ODAD2: variants seen among roughly 807,000 people sequenced by gnomAD.
The protein encoded by ODAD2 is outer dynein arm-docking complex subunit 2.
ODAD2 carries 89 observed loss-of-function variants against 106.8 expected under a neutral mutation model. That is an observed-to-expected ratio of 0.83 (90% CI 0.70 to 0.99). ODAD2 has a LOEUF of 0.99. ODAD2 is among the 50% of genes least tolerant of loss of function. The pLI is 0.00. For synonymous variants in ODAD2, 404 were observed against 436.2 expected, an observed-to-expected ratio of 0.93 and a Z score of 0.92; for missense variants, 1,168 against 1,238.5, an observed-to-expected ratio of 0.94 and a Z score of 0.85.
Position 27,944,906 on chromosome 10 carries a change from T to A in ODAD2, c.1443A>T (p.Leu481Phe). The A allele has an allele frequency of 6.2e-7, 1 of 1,614,212 alleles. No individual in the cohort carries two copies. The highest frequency in any genetic ancestry group is 8.5e-7 in the Non-Finnish European group (1 of 1,180,020). The change falls in exon 11 of 20, where the codon TTA becomes TTT. Residue 481 changes from leucine (L) to phenylalanine (F), a missense_variant. This residue lies in a region of ODAD2 where 701 missense variants were observed against 712.3 expected (regional missense o/e 0.98). Transcript: ENST00000305242. Reference sequence around the variant, plus strand: ...TGGCCAACTGGCAGGTTTCTTGAGCTAAGCTGAAATCCCTCATTGAACACA... The same window carrying A: ...TGGCCAACTGGCAGGTTTCTTGAGCAAAGCTGAAATCCCTCATTGAACACA... The part of the protein sequence containing the change: ...IALCSMRDFS[L>F]AQETCQLAIR...
intron 16 of ODAD2, among the ~76,000 whole-genome samples, chr10:27,925,798 C>T (rs536588689): frequency 6.6e-6 from 1 of 152,096 alleles, no homozygotes; most frequent in Admixed American, 6.6e-5. Context: ...AAAGAGGATC[C>T]CTATCTCCAC....
chr10:27,821,472 C>T (rs559158644), intron 19 of ODAD2, among the ~76,000 whole-genome samples: 9 of 152,262 alleles, frequency 5.9e-5, no homozygotes, highest in Admixed American at 3.3e-4. Context: ...TTTTCATTTT[C>T]CTACGAGCCT....
intron 19 of ODAD2, among the ~76,000 whole-genome samples, chr10:27,821,530 C>A (rs897628466): frequency 5.3e-5 from 8 of 152,156 alleles, no homozygotes; most frequent in Admixed American, 2.6e-4. Flanking sequence ...GCACTAGTTT[C>A]TTTAAAACTA....
intron 16 of ODAD2, among the ~76,000 whole-genome samples, chr10:27,911,478 G>A (rs1844010000): frequency 6.6e-6 from 1 of 152,148 alleles, no homozygotes; most frequent in Non-Finnish European, 1.5e-5. Context: ...GGAAACTACA[G>A]TCTTGTGAGG....
rs529362451 is a variant in ODAD2 at position 27,962,375 on chromosome 10, C to T, written c.1239-660G>A. Among the ~76,000 whole-genome samples, 256 of 152,328 alleles carry T rather than the reference C, an allele frequency of 1.7e-3. 2 individuals are homozygous for T. Among genetic ancestry groups the T allele is most frequent in the Non-Finnish European group, 2.9e-3 (200 of 68,032 alleles). ...TGGCCCACGTGCCTCGTGGTTACCACACTGGACAGCTCAGATATTGACTAT... is the reference window on the plus strand; with the variant it reads ...TGGCCCACGTGCCTCGTGGTTACCATACTGGACAGCTCAGATATTGACTAT... On this transcript the variant is annotated intron_variant, in intron 9 of 19. Coordinates refer to ENST00000305242, the MANE Select transcript of ODAD2 (RefSeq NM_018076.5).
At chr10:27,845,345 A>G (rs2368265) in intron 19 of ODAD2, among the ~76,000 whole-genome samples, 1,735 of 152,294 alleles carry the variant, frequency 0.011, 31 homozygotes, top group African/African-American at 0.039. Flanking sequence ...AAGGAGAAAT[A>G]AAATCCTTTA....
In ODAD2 at chr10:27,979,290, T is replaced by C. The variant is rs376860257; in HGVS notation, c.936+2176A>G. Among the ~76,000 whole-genome samples, 207 of 151,800 alleles carry C rather than the reference T, an allele frequency of 1.4e-3. 2 individuals are homozygous for C. Among genetic ancestry groups the C allele is most frequent in the African/African-American group, 4.7e-3 (196 of 41,388 alleles). On this transcript the variant is annotated intron_variant, in intron 7 of 19. Coordinates refer to ENST00000305242, the MANE Select transcript of ODAD2 (RefSeq NM_018076.5). ...CAAGGATGCCTGCTTTTACCACTCT[T>C]ATTCAACATAGTCCAGGAAGTCCTA...
chr10:27,992,206 A>T lies in ODAD2; in HGVS notation c.224+2713T>A, dbSNP rs1434605365. ...CAGGCAAGCATGGTTTCCTTCAAAT[A>T]CAACAGCAATACCTCTCTCTACCCT... On this transcript the variant is annotated intron_variant, in intron 2 of 19. Coordinates refer to ENST00000305242, the MANE Select transcript of ODAD2 (RefSeq NM_018076.5). Among the ~76,000 whole-genome samples the T allele has an allele frequency of 3.3e-5, 5 of 152,330 alleles. No homozygotes were observed. In the South Asian group the frequency reaches 1.0e-3, roughly 32 times the overall value.
At chr10:27,896,367 T>C (rs912108534) in intron 17 of ODAD2, among the ~76,000 whole-genome samples, 1 of 152,244 alleles carries the variant, frequency 6.6e-6, no homozygotes, top group Non-Finnish European at 1.5e-5. Flanking sequence ...TAGGATCCCT[T>C]TGATAACTTT....
At chr10:27,869,696 G>A (rs56352562) in intron 17 of ODAD2, among the ~76,000 whole-genome samples, 4,264 of 151,818 alleles carry the variant, frequency 0.028, 209 homozygotes, top group African/African-American at 0.097. Flanking sequence ...CACCATGTCC[G>A]GCTAATTTTT....
intron 17 of ODAD2, among the ~76,000 whole-genome samples, chr10:27,889,749 T>C (rs1842444284): frequency 1.3e-5 from 2 of 152,190 alleles, no homozygotes; most frequent in South Asian, 4.1e-4. Context: ...ATTCTCACAG[T>C]AGAACAGTCT....
chr10:27,899,602 G>A (rs557477984), intron 17 of ODAD2, among the ~76,000 whole-genome samples: 5 of 152,254 alleles, frequency 3.3e-5, no homozygotes, highest in Admixed American at 6.5e-5. Flanking sequence ...GTCCAAAGTC[G>A]ACCTGGCATG....
At chr10:27,870,504 A>T (rs113266899) in intron 17 of ODAD2, among the ~76,000 whole-genome samples, 1 of 151,282 alleles carries the variant, frequency 6.6e-6, no homozygotes, top group South Asian at 2.1e-4. Flanking sequence ...TCCCTCCCCC[A>T]TCCCCCAACC....
intron 17 of ODAD2, among the ~76,000 whole-genome samples, chr10:27,885,639 TTA>T (rs1227752997): frequency 6.3e-5 from 4 of 63,446 alleles, no homozygotes; most frequent in East Asian, 4.6e-4. Context: ...AAAATATATA[TTA>T]TATATATTAT....
At chr10:27,994,846 C>A in intron 2 of ODAD2, 73 bp downstream of exon 2, 1 of 1,524,108 alleles carries the variant, frequency 6.6e-7, no homozygotes, top group Admixed American at 1.9e-5. Flanking sequence ...TGACTTGCCC[C>A]CAAACCTAGA....
intron 16 of ODAD2, among the ~76,000 whole-genome samples, chr10:27,922,137 G>A (rs1844836150): frequency 7.7e-6 from 1 of 129,570 alleles, no homozygotes; most frequent in African/African-American, 2.9e-5. Context: ...CTGGGTGACA[G>A]AGTGAAACTC....
intron 7 of ODAD2, among the ~76,000 whole-genome samples, chr10:27,977,440 G>A (rs1329265717): frequency 4.6e-5 from 7 of 151,600 alleles, no homozygotes; most frequent in Admixed American, 2.0e-4. Flanking sequence ...GGTGGCGGGC[G>A]CCTGTAGTCC....
At chr10:27,877,804 T>C (rs139636313) in intron 17 of ODAD2, among the ~76,000 whole-genome samples, 97 of 152,230 alleles carry the variant, frequency 6.4e-4, no homozygotes, top group African/African-American at 2.3e-3. Flanking sequence ...ATAATAACAA[T>C]GATAGTAAAA....
chr10:27,856,567 C>A (rs561892460), intron 19 of ODAD2, among the ~76,000 whole-genome samples: 2 of 152,254 alleles, frequency 1.3e-5, no homozygotes, highest in South Asian at 4.2e-4. Flanking sequence ...GGCTTAATAC[C>A]CCCTGCTGAA....
Sources: allele counts gnomAD v4.1 joint callset (sites outside exome capture counted in the v4.1 genomes callset), GRCh38; gene constraint gnomAD v4.1.1; regional missense constraint gnomAD v4.1.1; transcripts MANE v1.5; gene names NCBI Gene and HGNC (gene_info 2026-07-23, HGNC 2026-07-21).